The following ULK4 variants were observed in gnomAD, a reference collection of about 807,000 sequenced individuals.
ULK4 encodes the protein unc-51 like kinase 4.
Under a neutral mutation model 160.6 loss-of-function variants are expected in ULK4, and 133 were observed. The observed-to-expected ratio is 0.83, with a 90% CI of 0.72 to 0.96. ULK4 has a LOEUF of 0.96. Ranked by LOEUF, ULK4 falls within the 40% of genes least tolerant of loss-of-function variation. The probability of loss-of-function intolerance (pLI) is 0.00; values close to 1 mark genes in which losing one functional copy is unlikely to be tolerated. For missense variants in ULK4, 1,580 were observed against 1,499.5 expected, an observed-to-expected ratio of 1.05 and a Z score of -0.89; for synonymous variants, 534 against 539.8, an observed-to-expected ratio of 0.99 and a Z score of 0.15.
chr3:41,297,129 C>A (rs1169429829), intron 35 of ULK4, among the ~76,000 whole-genome samples: 1 of 152,170 alleles, frequency 6.6e-6, no homozygotes, highest in Non-Finnish European at 1.5e-5. Flanking sequence ...TCACTGAAGC[C>A]CATCCATCTT....
At chr3:41,598,453 A>G (rs530283306) in intron 31 of ULK4, among the ~76,000 whole-genome samples, 129 of 152,346 alleles carry the variant, frequency 8.5e-4, no homozygotes, top group Non-Finnish European at 1.5e-3. Flanking sequence ...TGCGAGTAAT[A>G]TATTTCAAAG....
intron 2 of ULK4, among the ~76,000 whole-genome samples, chr3:41,942,941 C>T (rs957647576): frequency 1.3e-5 from 2 of 151,958 alleles, no homozygotes; most frequent in African/African-American, 2.4e-5. Context: ...AGGCTGGGCA[C>T]GGTGGCTCAG....
intron 32 of ULK4, among the ~76,000 whole-genome samples, chr3:41,494,342 C>G (rs796670603): frequency 0.21 from 25,377 of 120,150 alleles, 2,928 homozygotes; most frequent in Middle Eastern, 0.26. Flanking sequence ...ATGATTATCT[C>G]AATAGATGCA....
At chr3:41,460,084 AACAG>A (rs990413829) in intron 33 of ULK4, among the ~76,000 whole-genome samples, 1 of 152,168 alleles carries the variant, frequency 6.6e-6, no homozygotes, top group African/African-American at 2.4e-5. Flanking sequence ...AGATGCTAAA[AACAG>A]ACAGCCCCCT....
intron 5 of ULK4, among the ~76,000 whole-genome samples, chr3:41,925,374 C>T (rs1032836592): frequency 6.6e-6 from 1 of 152,228 alleles, no homozygotes; most frequent in Non-Finnish European, 1.5e-5. Context: ...CTCCGGCCCA[C>T]ATACTGCATT....
chr3:41,610,019 T>C (rs1044390600), intron 31 of ULK4, among the ~76,000 whole-genome samples: 10 of 151,236 alleles, frequency 6.6e-5, no homozygotes, highest in African/African-American at 2.2e-4. Context: ...CAAATAATTT[T>C]ATTTTTTTTT....
At position 41,891,343 on chromosome 3, in the gene ULK4, G is replaced by A. The variant is rs562305670; in HGVS notation, c.1577+4175C>T. On this transcript the variant is annotated intron_variant, in intron 16 of 36. Transcript: ENST00000301831. ...GAAGGGACGGGACAAGACGGGACTG[G>A]AGGGAGGGAGGGAGGGAGGGAGGCA... Among the ~76,000 whole-genome samples, 23 of 133,226 alleles carry A rather than the reference G, an allele frequency of 1.7e-4. 1 individual carries two copies. Among genetic ancestry groups the A allele is most frequent in the African/African-American group, 5.9e-4 (21 of 35,726 alleles). The allele number at this position is 133,226 out of a possible 152,430, so 87.4% of individuals were successfully genotyped here.
At chr3:41,813,969 G>A (rs1436312243) in intron 19 of ULK4, among the ~76,000 whole-genome samples, 1 of 152,176 alleles carries the variant, frequency 6.6e-6, no homozygotes, top group Non-Finnish European at 1.5e-5. Flanking sequence ...GTGAACTATT[G>A]AGAGTGGTAT....
chr3:41,795,518 C>T (rs6766024), intron 20 of ULK4, among the ~76,000 whole-genome samples: 8,252 of 152,144 alleles, frequency 0.054, 419 homozygotes, highest in East Asian at 0.16. Context: ...ATAAACAAAA[C>T]ATAGTCCTAG....
At chr3:41,528,296 C>A (rs1172845404) in intron 32 of ULK4, among the ~76,000 whole-genome samples, 1 of 152,176 alleles carries the variant, frequency 6.6e-6, no homozygotes, top group Non-Finnish European at 1.5e-5. Flanking sequence ...TCTCCCAATT[C>A]CTGCCTTCTC....
At position 41,246,955 on chromosome 3, in the gene ULK4, C is replaced by T. The variant is rs1161925446; in HGVS notation, c.3802G>A (p.Glu1268Lys). ...TAGTGCCCAACGGCTTGGAGGATTT[C>T]CAGGGCCAAGGGAGCCACCGCACTG... ...ADSAVAPLAL[E>K]ILQAVGH is the part of the protein sequence containing the mutation. Residue 1268 changes from glutamate to lysine, a missense_variant, in exon 37 of 37, where the codon GAA becomes AAA. Coordinates refer to ENST00000301831, the MANE Select transcript of ULK4 (RefSeq NM_017886.4). 6.2e-7 allele frequency: 1 copy of T among 1,613,708 alleles called. No individual in the cohort carries two copies. Among genetic ancestry groups the T allele is most frequent in the Admixed American group, 1.7e-5 (1 of 59,962 alleles).
chr3:41,856,612 TATACAC>T (rs1559611436), intron 17 of ULK4, among the ~76,000 whole-genome samples: 5 of 85,368 alleles, frequency 5.9e-5, no homozygotes, highest in Non-Finnish European at 8.7e-5. Context: ...TGTGTATATA[TATACAC>T]ATATATATAT....
At chr3:41,761,256 C>T (rs1290213130) in intron 21 of ULK4, among the ~76,000 whole-genome samples, 1 of 150,012 alleles carries the variant, frequency 6.7e-6, no homozygotes, top group African/African-American at 2.4e-5. Flanking sequence ...TTTCATTATA[C>T]ATAAATTTAA....
intron 31 of ULK4, among the ~76,000 whole-genome samples, chr3:41,598,360 A>T (rs1289190503): frequency 1.3e-5 from 2 of 152,226 alleles, no homozygotes; most frequent in Non-Finnish European, 2.9e-5. Context: ...GAAATAAAAT[A>T]AAAATCCAGT....
chr3:41,863,468 A>G (rs961963503), intron 17 of ULK4, among the ~76,000 whole-genome samples: 4 of 152,140 alleles, frequency 2.6e-5, no homozygotes, highest in Non-Finnish European at 4.4e-5. Flanking sequence ...CTAAGGTGCA[A>G]GACAAAGTCC....
intron 22 of ULK4, among the ~76,000 whole-genome samples, chr3:41,727,945 G>A (rs2125860771): frequency 6.6e-6 from 1 of 152,296 alleles, no homozygotes; most frequent in South Asian, 2.1e-4. Context: ...TTGGATAGGA[G>A]AGGTGAAAAA....
At position 41,833,010 on chromosome 3, in the gene ULK4, A is replaced by G. The variant is rs181521703; in HGVS notation, c.1764+2854T>C. Reference sequence around the variant, plus strand: ...CTTTTCGCTTAGGATTGTCTTGGCTATATGGGCTCTCTGTGGTTCCATATG... The same window carrying G: ...CTTTTCGCTTAGGATTGTCTTGGCTGTATGGGCTCTCTGTGGTTCCATATG... On this transcript the variant is annotated intron_variant, in intron 18 of 36. Coordinates refer to ENST00000301831, the MANE Select transcript of ULK4 (RefSeq NM_017886.4). Among the ~76,000 whole-genome samples the G allele has an allele frequency of 3.0e-4, 46 of 152,218 alleles. No homozygotes were observed. The East Asian group carries it at 3.5e-3, about 12-fold the overall frequency.
chr3:41,851,019 T>G (rs866713496), intron 17 of ULK4, among the ~76,000 whole-genome samples: 2 of 152,152 alleles, frequency 1.3e-5, no homozygotes, highest in Non-Finnish European at 2.9e-5. Flanking sequence ...ATCTCATCTG[T>G]AAACAGGGAC....
chr3:41,851,268 TGA>T lies in ULK4; in HGVS notation c.1657-15299_1657-15298del, dbSNP rs561160104. On this transcript the variant is annotated intron_variant, in intron 17 of 36. Transcript: ENST00000301831. ...TATGTCCCATCAATACCTAATTTAT[TGA>T]GAGTTTTTAGCATGAAGGGCTGTTG... Among the ~76,000 whole-genome samples the T allele has an allele frequency of 1.6e-3, 246 of 152,304 alleles. 1 individual carries two copies. Among genetic ancestry groups the T allele is most frequent in the African/African-American group, 5.8e-3 (242 of 41,572 alleles).
Sources: allele counts gnomAD v4.1 joint callset (sites outside exome capture counted in the v4.1 genomes callset), GRCh38; gene constraint gnomAD v4.1.1; transcripts MANE v1.5; gene names NCBI Gene and HGNC (gene_info 2026-07-23, HGNC 2026-07-21).